The following CHCHD6 variants were observed in gnomAD, a reference collection of about 807,000 sequenced individuals.
The protein encoded by CHCHD6 is coiled-coil-helix-coiled-coil-helix domain containing 6, also known as MICOS complex subunit MIC25.
Under a neutral mutation model 32.3 loss-of-function variants are expected in CHCHD6, and 28 were observed. The observed-to-expected ratio is 0.87, with a 90% CI of 0.64 to 1.19. The LOEUF (loss-of-function observed/expected upper bound fraction) is 1.19, where lower values mean the gene tolerates loss of function less well. Among genes scored for constraint, CHCHD6 ranks in the 50% most tolerant of loss-of-function variants. The probability of loss-of-function intolerance (pLI) is 0.00; values close to 1 mark genes in which losing one functional copy is unlikely to be tolerated. For missense variants in CHCHD6, 333 were observed against 307.0 expected, an observed-to-expected ratio of 1.08 and a Z score of -0.63; for synonymous variants, 122 against 117.5, an observed-to-expected ratio of 1.04 and a Z score of -0.25.
At chr3:126,837,815 T>C (rs1312212502) in intron 4 of CHCHD6, among the ~76,000 whole-genome samples, 3 of 152,218 alleles carry the variant, frequency 2.0e-5, no homozygotes, top group Non-Finnish European at 4.4e-5. Flanking sequence ...GTGGTACTTA[T>C]TGGATAAAAT....
chr3:126,864,949 A>G (rs1247881762), intron 5 of CHCHD6, among the ~76,000 whole-genome samples: 3 of 142,594 alleles, frequency 2.1e-5, no homozygotes, highest in South Asian at 2.3e-4. Context: ...CTCCACCATC[A>G]TCTCCTCCTC....
chr3:126,737,480 T>G (rs763707379), intron 4 of CHCHD6, among the ~76,000 whole-genome samples: 1 of 150,982 alleles, frequency 6.6e-6, no homozygotes, highest in Non-Finnish European at 1.5e-5. Flanking sequence ...CTGGGTTAGT[T>G]TCCTAATAAA....
chr3:126,840,762 C>T (rs1323717977), intron 4 of CHCHD6, among the ~76,000 whole-genome samples: 1 of 151,950 alleles, frequency 6.6e-6, no homozygotes, highest in African/African-American at 2.4e-5. Context: ...TTGTTTAGTA[C>T]TTTATGTGTA....
chr3:126,705,153 A>G (rs1934418094), intron 1 of CHCHD6, among the ~76,000 whole-genome samples: 1 of 152,050 alleles, frequency 6.6e-6, no homozygotes, highest in African/African-American at 2.4e-5. Context: ...TTCTTGTTGT[A>G]ATTCAGATAT....
At chr3:126,916,951 G>C (rs1469747311) in intron 6 of CHCHD6, among the ~76,000 whole-genome samples, 1 of 152,220 alleles carries the variant, frequency 6.6e-6, no homozygotes, top group African/African-American at 2.4e-5. Context: ...CACTGGGGGA[G>C]AAGCCAGACA....
chr3:126,811,155 T>C (rs1461553203), intron 4 of CHCHD6, among the ~76,000 whole-genome samples: 6 of 152,230 alleles, frequency 3.9e-5, no homozygotes, highest in African/African-American at 1.2e-4. Flanking sequence ...GTGTGGCTTA[T>C]TTTTTATGAG....
chr3:126,842,526 T>G (rs759579871), intron 4 of CHCHD6, among the ~76,000 whole-genome samples: 1 of 152,348 alleles, frequency 6.6e-6, no homozygotes. Flanking sequence ...GTCAGGAATC[T>G]GTCTTCGTAG....
intron 4 of CHCHD6, among the ~76,000 whole-genome samples, chr3:126,795,910 A>C (rs1027757799): frequency 9.2e-5 from 14 of 152,142 alleles, no homozygotes; most frequent in Admixed American, 8.5e-4. Context: ...TTGGGCAAGG[A>C]GAATGGGTAT....
chr3:126,873,340 T>C (rs917845414), intron 5 of CHCHD6, among the ~76,000 whole-genome samples: 1 of 152,186 alleles, frequency 6.6e-6, no homozygotes, highest in Non-Finnish European at 1.5e-5. Flanking sequence ...AAGCTCTCTC[T>C]CCCAGCCTTG....
chr3:126,909,218 T>G (rs766086842), intron 5 of CHCHD6, among the ~76,000 whole-genome samples: 22 of 152,218 alleles, frequency 1.4e-4, no homozygotes, highest in Non-Finnish European at 2.8e-4. Flanking sequence ...GTCCACAGAT[T>G]AGGCTCTGTT....
chr3:126,733,408 G>T (rs1294554583), intron 4 of CHCHD6, among the ~76,000 whole-genome samples, 186 bp downstream of exon 4: 2 of 152,212 alleles, frequency 1.3e-5, no homozygotes, highest in Admixed American at 6.5e-5. Context: ...CCCAGCCCTG[G>T]CTCTGTCAGT....
chr3:126,842,810 CTTT>C (rs63135461), intron 4 of CHCHD6, among the ~76,000 whole-genome samples: 3 of 94,650 alleles, frequency 3.2e-5, no homozygotes, highest in Non-Finnish European at 2.3e-5. Context: ...CACTGAAATT[CTTT>C]TTTTTTTTTT....
At chr3:126,770,716 G>C (rs1937528144) in intron 4 of CHCHD6, among the ~76,000 whole-genome samples, 1 of 152,186 alleles carries the variant, frequency 6.6e-6, no homozygotes, top group African/African-American at 2.4e-5. Context: ...TGTGCTACTG[G>C]ATTTGGTTTG....
chr3:126,864,420 GCTC>G (rs201241325), intron 5 of CHCHD6, among the ~76,000 whole-genome samples: 2,398 of 73,432 alleles, frequency 0.033, 31 homozygotes, highest in Middle Eastern at 0.08. Context: ...TCCTCTTCCT[GCTC>G]CTCCTCCACC....
At chr3:126,846,223 T>TACA (rs1288123433) in intron 4 of CHCHD6, among the ~76,000 whole-genome samples, 1 of 152,194 alleles carries the variant, frequency 6.6e-6, no homozygotes, top group Non-Finnish European at 1.5e-5. Flanking sequence ...GCCGTCTTTA[T>TACA]ACAACCTGAC....
intron 1 of CHCHD6, among the ~76,000 whole-genome samples, chr3:126,723,767 A>G (rs921924281): frequency 6.6e-6 from 1 of 151,892 alleles, no homozygotes; most frequent in African/African-American, 2.4e-5. Context: ...GTGTCCTTCC[A>G]CATGCCTCTG....
intron 4 of CHCHD6, among the ~76,000 whole-genome samples, chr3:126,747,008 C>G (rs142442993): frequency 0.012 from 1,814 of 152,320 alleles, 19 homozygotes; most frequent in Middle Eastern, 0.048. Context: ...GGGGGAGCCT[C>G]TCCTCAGCTG....
intron 4 of CHCHD6, among the ~76,000 whole-genome samples, chr3:126,746,594 G>T (rs978690479): frequency 1.3e-5 from 2 of 152,152 alleles, no homozygotes; most frequent in Non-Finnish European, 2.9e-5. Flanking sequence ...CCATTCTCTA[G>T]CTGACTGGTT....
At chr3:126,773,267 C>T (rs777748035) in intron 4 of CHCHD6, among the ~76,000 whole-genome samples, 16 of 152,104 alleles carry the variant, frequency 1.1e-4, no homozygotes, top group Non-Finnish European at 1.9e-4. Context: ...TAATACCTGC[C>T]CTTTTCCAGC....
Sources: allele counts gnomAD v4.1 joint callset (sites outside exome capture counted in the v4.1 genomes callset), GRCh38; gene constraint gnomAD v4.1.1; transcripts MANE v1.5; gene names NCBI Gene and HGNC (gene_info 2026-07-23, HGNC 2026-07-21).